The following AOAH variants were observed in gnomAD, a reference collection of about 807,000 sequenced individuals.
AOAH encodes the protein acyloxyacyl hydrolase.
In AOAH, 64 loss-of-function variants were observed where a neutral mutation model predicts 92.2. That is an observed-to-expected ratio of 0.69 (90% CI 0.57 to 0.86). The LOEUF (loss-of-function observed/expected upper bound fraction) is 0.86, where lower values mean the gene tolerates loss of function less well. Among genes scored for constraint, AOAH ranks in the 40% least tolerant of loss-of-function variants. The pLI, the probability that AOAH is intolerant of heterozygous loss-of-function variation, is 0.00. For synonymous variants in AOAH, 263 were observed against 254.5 expected, an observed-to-expected ratio of 1.03 and a Z score of -0.32; for missense variants, 656 against 694.6, an observed-to-expected ratio of 0.94 and a Z score of 0.62.
Position 36,627,082 on chromosome 7 carries a change from G to T in AOAH, c.522-3832C>A, listed in dbSNP as rs553886029. ...CACAGGCATTTTGGGAGTCCCTGCT[G>T]TGTGCTGGGAATCATATTAGATACC... On this transcript the variant is annotated intron_variant, in intron 6 of 20. Coordinates refer to ENST00000617537, the MANE Select transcript of AOAH (RefSeq NM_001637.4). Among the ~76,000 whole-genome samples the T allele has an allele frequency of 1.1e-4, 16 of 152,320 alleles. No individual in the cohort carries two copies. In the East Asian group the frequency reaches 3.1e-3, roughly 29 times the overall value.
In AOAH at chr7:36,542,974, A is replaced by G. The variant is rs137966051; in HGVS notation, c.1134-2483T>C. Among the ~76,000 whole-genome samples, 145 of 152,242 alleles carry G rather than the reference A, an allele frequency of 9.5e-4. No individual in the cohort carries two copies. The East Asian group carries it at 0.027, about 28-fold the overall frequency. On this transcript the variant is annotated intron_variant, in intron 15 of 20. Coordinates refer to ENST00000617537, the MANE Select transcript of AOAH (RefSeq NM_001637.4). ...AAAAAGTATTAAAGTATTGTTGACT[A>G]CAACAATACTTTTGGTGCCATGGGG...
At chr7:36,661,743 G>T (rs977297608) in intron 3 of AOAH, among the ~76,000 whole-genome samples, 4 of 152,076 alleles carry the variant, frequency 2.6e-5, no homozygotes, top group Non-Finnish European at 4.4e-5. Flanking sequence ...GGAGTGCATG[G>T]CCCCTTTTAA....
At chr7:36,565,080 G>A (rs1307318406) in intron 13 of AOAH, among the ~76,000 whole-genome samples, 1 of 152,118 alleles carries the variant, frequency 6.6e-6, no homozygotes, top group South Asian at 2.1e-4. Context: ...ACTGTATCTT[G>A]GAGATGCATT....
chr7:36,713,240 C>A (rs1474820512), intron 1 of AOAH, among the ~76,000 whole-genome samples: 5 of 152,156 alleles, frequency 3.3e-5, no homozygotes, highest in African/African-American at 1.2e-4. Flanking sequence ...AAGGCCATTA[C>A]TTAATGGTAA....
chr7:36,601,311 C>T (rs1244852238), intron 11 of AOAH, among the ~76,000 whole-genome samples: 2 of 151,956 alleles, frequency 1.3e-5, no homozygotes, highest in African/African-American at 4.8e-5. Context: ...AGGGAAAGTC[C>T]CTGTGGCCCT....
intron 12 of AOAH, among the ~76,000 whole-genome samples, chr7:36,578,305 G>T (rs923680533): frequency 9.2e-5 from 14 of 152,012 alleles, no homozygotes; most frequent in African/African-American, 3.1e-4. Context: ...AACAGGAAAA[G>T]GCCAATAAAA....
intron 16 of AOAH, among the ~76,000 whole-genome samples, chr7:36,540,061 C>G (rs1376412477): frequency 6.6e-6 from 1 of 152,158 alleles, no homozygotes; most frequent in African/African-American, 2.4e-5. Context: ...GAGGAATTTC[C>G]TGGTTTGAGC....
intron 1 of AOAH, among the ~76,000 whole-genome samples, chr7:36,722,440 T>G (rs13223177): frequency 6.6e-6 from 1 of 151,962 alleles, no homozygotes; most frequent in Admixed American, 6.6e-5. Flanking sequence ...AAAACTGATT[T>G]CATCTGAGCT....
In AOAH at chr7:36,516,919, G is replaced by A. The variant is rs1783753622; in HGVS notation, c.1600-3539C>T. 6.6e-6 allele frequency among the ~76,000 whole-genome samples: 1 copy of A among 152,138 alleles called. No homozygotes were observed. The highest frequency in any genetic ancestry group is 2.1e-4 in the South Asian group (1 of 4,824). ...ATTAGTTGGTTGTCACTCTAATAAGGAATAAAATATTTATGAGCAGGCATT... is the reference window on the plus strand; with the variant it reads ...ATTAGTTGGTTGTCACTCTAATAAGAAATAAAATATTTATGAGCAGGCATT... On this transcript the variant is annotated intron_variant, in intron 20 of 20. Transcript: ENST00000617537. The surrounding 1 kb of genome is among the most constrained non-coding windows in gnomAD (Gnocchi z 5.0).
chr7:36,642,576 C>T (rs1013150850), intron 4 of AOAH, among the ~76,000 whole-genome samples: 5 of 152,306 alleles, frequency 3.3e-5, no homozygotes, highest in South Asian at 2.1e-4. Flanking sequence ...ATACAACTCT[C>T]GCTCTCCAGG....
rs540889036 is a variant in AOAH at position 36,521,925 on chromosome 7, C to G, written c.1599+114G>C. The G allele has an allele frequency of 3.3e-6, 3 of 910,184 alleles. No homozygotes were observed. The South Asian group carries it at 4.5e-5, about 14-fold the overall frequency. The allele number at this position is 910,184 out of a possible 1,614,324, so 56.4% of individuals were successfully genotyped here. ...TCCTATACATGTATGTACACTACCT[C>G]AAATCCTTTCTGGAACAAAACAGGA... On this transcript the variant is annotated intron_variant, in intron 20 of 20. Coordinates refer to ENST00000617537, the MANE Select transcript of AOAH (RefSeq NM_001637.4).
intron 2 of AOAH, among the ~76,000 whole-genome samples, chr7:36,676,628 T>C (rs1413645505): frequency 6.6e-6 from 1 of 151,796 alleles, no homozygotes; most frequent in Admixed American, 6.6e-5. Flanking sequence ...ATACGAAAAG[T>C]CAAGCGACTC....
At chr7:36,703,469 C>T (rs1490101380) in intron 1 of AOAH, among the ~76,000 whole-genome samples, 1 of 152,100 alleles carries the variant, frequency 6.6e-6, no homozygotes, top group Non-Finnish European at 1.5e-5. Context: ...TGGGTATACA[C>T]GTGCCATGGT....
intron 14 of AOAH, among the ~76,000 whole-genome samples, chr7:36,548,917 T>C (rs989261558): frequency 5.9e-5 from 9 of 152,182 alleles, no homozygotes; most frequent in Admixed American, 5.2e-4. Context: ...ATGCATAAAA[T>C]TGAAAAGAAT....
intron 14 of AOAH, 116 bp from the exon 15 acceptor site, chr7:36,548,802 T>A (rs1055825628): frequency 2.6e-6 from 2 of 762,862 alleles, no homozygotes; most frequent in African/African-American, 1.8e-5. Flanking sequence ...CTTGGCAACT[T>A]TTTGCTATTT....
chr7:36,531,225 TTGGG>T (rs1350359279), intron 18 of AOAH, among the ~76,000 whole-genome samples: 1 of 152,136 alleles, frequency 6.6e-6, no homozygotes, highest in Non-Finnish European at 1.5e-5. Context: ...TATACTAACT[TTGGG>T]TGGTGGAATT....
chr7:36,531,134 A>C (rs528365325), intron 18 of AOAH, among the ~76,000 whole-genome samples: 18 of 152,336 alleles, frequency 1.2e-4, no homozygotes, highest in Non-Finnish European at 2.5e-4. Flanking sequence ...GAAAGCATAA[A>C]AGAGTATGTG....
intron 3 of AOAH, among the ~76,000 whole-genome samples, chr7:36,665,274 A>G (rs1359015284): frequency 6.6e-6 from 1 of 152,184 alleles, no homozygotes; most frequent in Non-Finnish European, 1.5e-5. Flanking sequence ...AGATTTACAC[A>G]TAAGTATTTT....
At chr7:36,605,966 T>A (rs1010045857) in intron 11 of AOAH, among the ~76,000 whole-genome samples, 1 of 152,242 alleles carries the variant, frequency 6.6e-6, no homozygotes. Context: ...CCTCATCACC[T>A]AGCATCTTTA....
Sources: allele counts gnomAD v4.1 joint callset (sites outside exome capture counted in the v4.1 genomes callset), GRCh38; gene constraint gnomAD v4.1.1; non-coding constraint Gnocchi (gnomAD v3.1); transcripts MANE v1.5; gene names NCBI Gene and HGNC (gene_info 2026-07-23, HGNC 2026-07-21).